STK32A: variants seen among roughly 807,000 people sequenced by gnomAD.
STK32A encodes the protein serine/threonine kinase 32A, also known as serine/threonine-protein kinase 32A.
In STK32A, 41 loss-of-function variants were observed where a neutral mutation model predicts 53.2. That is an observed-to-expected ratio of 0.77 (90% CI 0.60 to 1.00). STK32A has a LOEUF of 1.00. Ranked by LOEUF, STK32A falls within the 50% of genes least tolerant of loss-of-function variation. The pLI, the probability that STK32A is intolerant of heterozygous loss-of-function variation, is 0.00. For missense variants in STK32A, 458 were observed against 485.8 expected, an observed-to-expected ratio of 0.94 and a Z score of 0.54; for synonymous variants, 166 against 162.8, an observed-to-expected ratio of 1.02 and a Z score of -0.15.
intron 1 of STK32A, among the ~76,000 whole-genome samples, chr5:147,236,492 C>T (rs1353197651): frequency 6.6e-6 from 1 of 151,924 alleles, no homozygotes; most frequent in Admixed American, 6.6e-5. Flanking sequence ...GACATGTCTC[C>T]ATTTTCCTGC....
At chr5:147,337,326 C>G (rs188115772) in intron 5 of STK32A, among the ~76,000 whole-genome samples, 28 of 152,250 alleles carry the variant, frequency 1.8e-4, no homozygotes, top group African/African-American at 6.7e-4. Flanking sequence ...ATCATAGGCT[C>G]GTAACAGGCA....
intron 6 of STK32A, among the ~76,000 whole-genome samples, chr5:147,344,013 T>C (rs1001725688): frequency 2.0e-5 from 3 of 152,184 alleles, no homozygotes; most frequent in Non-Finnish European, 4.4e-5. Context: ...TTTGTGTATA[T>C]TGGGATTTAT....
chr5:147,284,696 C>CAAAAAAAAAAAAAAAAAAAAAAAAA (rs869167577), intron 4 of STK32A, among the ~76,000 whole-genome samples: 1 of 51,658 alleles, frequency 1.9e-5, no homozygotes, highest in African/African-American at 7.1e-5. Flanking sequence ...CAAGACAAAA[C>CAAAAAAAAAAAAAAAAAAAAAAAAA]AAAAAAACAA....
At position 147,254,334 on chromosome 5, in the gene STK32A, T is replaced by G. The variant is rs367690283; in HGVS notation, c.52+14648T>G. ...ACATACTCTTTTCAAGTCTTAGTGC[T>G]TCACTTGTATTTTGGGGCTAATAAG... On this transcript the variant is annotated intron_variant, in intron 2 of 12. Transcript: ENST00000397936. 2.0e-5 allele frequency among the ~76,000 whole-genome samples: 3 copies of G among 152,336 alleles called. No homozygotes were observed. The East Asian group carries it at 5.8e-4, about 29-fold the overall frequency.
intron 4 of STK32A, among the ~76,000 whole-genome samples, chr5:147,296,632 A>G (rs541317601): frequency 1.1e-4 from 17 of 152,096 alleles, no homozygotes; most frequent in Non-Finnish European, 2.4e-4. Flanking sequence ...ACCTCCTGAG[A>G]TCTTATCAGG....
At position 147,367,735 on chromosome 5, in the gene STK32A, A is replaced by G. The variant is rs531507536; in HGVS notation, c.661-2919A>G. Among the ~76,000 whole-genome samples the G allele has an allele frequency of 5.9e-5, 9 of 152,266 alleles. No individual in the cohort carries two copies. The South Asian group carries it at 1.9e-3, about 32-fold the overall frequency. ...TGGAATATCATCAGTTAAGGCAGGAACCAGCCATCTGGATGTGTATGTGCA... is the reference window on the plus strand; with the variant it reads ...TGGAATATCATCAGTTAAGGCAGGAGCCAGCCATCTGGATGTGTATGTGCA... On this transcript the variant is annotated intron_variant, in intron 8 of 12. Coordinates refer to ENST00000397936, the MANE Select transcript of STK32A (RefSeq NM_001112724.2).
downstream of STK32A, chr5:147,391,271 T>C (rs1757791739): frequency 6.6e-6 from 1 of 152,648 alleles, no homozygotes. Context: ...GCTGAGGGAT[T>C]TTGAAGTAAA....
At chr5:147,380,640 A>G (rs1396093601) in intron 11 of STK32A, among the ~76,000 whole-genome samples, 2 of 152,214 alleles carry the variant, frequency 1.3e-5, no homozygotes, top group African/African-American at 2.4e-5. Context: ...ATTTTGATGA[A>G]AAAGTCATCA....
At chr5:147,310,124 C>T (rs1753616663) in intron 4 of STK32A, among the ~76,000 whole-genome samples, 1 of 152,094 alleles carries the variant, frequency 6.6e-6, no homozygotes, top group Non-Finnish European at 1.5e-5. Flanking sequence ...TTCCTGGTAG[C>T]GTTTCTACTG....
intron 5 of STK32A, among the ~76,000 whole-genome samples, chr5:147,329,081 C>T (rs1465152626): frequency 6.6e-6 from 1 of 152,028 alleles, no homozygotes; most frequent in African/African-American, 2.4e-5. Flanking sequence ...TACAGTACAA[C>T]AGAGAGAGTT....
downstream of STK32A, among the ~76,000 whole-genome samples, chr5:147,390,066 GT>G (rs1161397886): frequency 6.6e-6 from 1 of 152,124 alleles, no homozygotes; most frequent in Non-Finnish European, 1.5e-5. Context: ...TGGTAAACTA[GT>G]TTAACTTTTG....
intron 4 of STK32A, among the ~76,000 whole-genome samples, chr5:147,287,322 T>G (rs567267826): frequency 5.9e-5 from 9 of 152,274 alleles, no homozygotes; most frequent in Admixed American, 2.6e-4. Flanking sequence ...TTAAAGCTAA[T>G]TCAGGATGAC....
chr5:147,283,309 G>C (rs946641775), intron 4 of STK32A, among the ~76,000 whole-genome samples: 1 of 152,032 alleles, frequency 6.6e-6, no homozygotes, highest in African/African-American at 2.4e-5. Flanking sequence ...TAAAAGCAAA[G>C]TTGATAGCCC....
intron 4 of STK32A, among the ~76,000 whole-genome samples, chr5:147,300,117 A>G (rs1050172031): frequency 6.6e-6 from 1 of 152,184 alleles, no homozygotes; most frequent in Non-Finnish European, 1.5e-5. Flanking sequence ...CCACAGCATC[A>G]ACAATATTAA....
At chr5:147,300,081 A>G (rs577575001) in intron 4 of STK32A, among the ~76,000 whole-genome samples, 13 of 152,312 alleles carry the variant, frequency 8.5e-5, no homozygotes, top group Admixed American at 5.2e-4. Context: ...TTTATAAACC[A>G]TAAGAACTCA....
chr5:147,312,327 C>G (rs933688569), intron 4 of STK32A, among the ~76,000 whole-genome samples: 1 of 152,150 alleles, frequency 6.6e-6, no homozygotes, highest in Non-Finnish European at 1.5e-5. Context: ...TTGTCTCAAA[C>G]TCCTGATCTC....
intron 2 of STK32A, among the ~76,000 whole-genome samples, chr5:147,245,986 G>A (rs1753755446): frequency 6.6e-6 from 1 of 152,172 alleles, no homozygotes; most frequent in South Asian, 2.1e-4. Flanking sequence ...CAGCTATGAA[G>A]GACATCGAAA....
intron 4 of STK32A, among the ~76,000 whole-genome samples, chr5:147,305,230 G>A (rs1306025315): frequency 6.6e-6 from 1 of 152,130 alleles, no homozygotes; most frequent in African/African-American, 2.4e-5. Context: ...TTTATTGGGA[G>A]AAAAGGAAAA....
At chr5:147,389,209 C>G (rs1021629545), downstream of STK32A, among the ~76,000 whole-genome samples, 1 of 152,172 alleles carries the variant, frequency 6.6e-6, no homozygotes, top group African/African-American at 2.4e-5. Flanking sequence ...CCCATCTCCT[C>G]CCCACCCGTC....
Sources: gnomAD v4.1 joint callset for allele counts (sites outside exome capture counted in the v4.1 genomes callset) on GRCh38, gnomAD v4.1.1 for gene constraint, MANE v1.5 for transcripts, NCBI Gene and HGNC (gene_info 2026-07-23, HGNC 2026-07-21) for gene names.